Variants in LRRIQ1 observed in about 807,000 individuals in gnomAD.
The protein encoded by LRRIQ1 is leucine rich repeats and IQ motif containing 1.
In LRRIQ1, 210 loss-of-function variants were observed where a neutral mutation model predicts 211.9. That is an observed-to-expected ratio of 0.99 (90% CI 0.89 to 1.11). The LOEUF is 1.11. LRRIQ1 is among the 50% of genes most tolerant of loss of function. The probability of loss-of-function intolerance (pLI) is 0.00; values close to 1 mark genes in which losing one functional copy is unlikely to be tolerated. For synonymous variants in LRRIQ1, 699 were observed against 650.1 expected (o/e 1.08, Z -1.14); for missense variants, 2,136 against 1,939.5 (o/e 1.10, Z -1.90).
At chr12:85,076,557 G>A in intron 11 of LRRIQ1, 1 of 699,352 alleles carries the variant, frequency 1.4e-6, no homozygotes, top group South Asian at 6.5e-5. Flanking sequence ...TTATTTTCTA[G>A]ATAATACTGC....
At chr12:85,086,466 C>G (rs976768823) in intron 11 of LRRIQ1, among the ~76,000 whole-genome samples, 2 of 152,102 alleles carry the variant, frequency 1.3e-5, no homozygotes, top group Admixed American at 1.3e-4. Flanking sequence ...GCCTGCTCCC[C>G]TTTTGCCTTC....
chr12:85,103,188 T>C (rs1886518960), intron 13 of LRRIQ1, among the ~76,000 whole-genome samples: 1 of 150,622 alleles, frequency 6.6e-6, no homozygotes, highest in African/African-American at 2.4e-5. Flanking sequence ...ATCACTATTT[T>C]TGTTTGAATA....
At position 85,127,951 on chromosome 12, in the gene LRRIQ1, A is replaced by G. The variant is rs1888490861; in HGVS notation, c.4127A>G (p.Asn1376Ser). The G allele has an allele frequency of 1.2e-6, 2 of 1,613,822 alleles. No homozygotes were observed. Among genetic ancestry groups the G allele is most frequent in the Non-Finnish European group, 1.7e-6 (2 of 1,179,812 alleles). ...TEGLPNSSIK[N>S]QTILKKGKRE... ...GGCCTGCCAAATTCTTCCATCAAGAATCAGACTATTTTAAAGAAAGGAAAA... is the reference window on the plus strand; with the variant it reads ...GGCCTGCCAAATTCTTCCATCAAGAGTCAGACTATTTTAAAGAAAGGAAAA... Residue 1376 changes from asparagine to serine, a missense_variant, in exon 18 of 27, where the codon AAT becomes AGT. Coordinates refer to ENST00000393217, the MANE Select transcript of LRRIQ1 (RefSeq NM_001079910.2).
chr12:85,200,865 G>A (rs1243135995), intron 24 of LRRIQ1, among the ~76,000 whole-genome samples: 1 of 151,870 alleles, frequency 6.6e-6, no homozygotes, highest in Admixed American at 6.6e-5. Context: ...TGTCACCCAG[G>A]CTGCAGTGCA....
At chr12:85,197,528 G>A (rs1415813189) in intron 24 of LRRIQ1, among the ~76,000 whole-genome samples, 1 of 150,492 alleles carries the variant, frequency 6.6e-6, no homozygotes, top group South Asian at 2.1e-4. Flanking sequence ...GTCATTTGTA[G>A]GGACATGGAT....
intron 8 of LRRIQ1, among the ~76,000 whole-genome samples, chr12:85,063,989 C>T (rs1335289962): frequency 1.3e-5 from 2 of 151,650 alleles, no homozygotes; most frequent in Non-Finnish European, 2.9e-5. Context: ...AGAGTACTGC[C>T]GTAAAAATGA....
chr12:85,067,674 T>C (rs2136073553), intron 10 of LRRIQ1, among the ~76,000 whole-genome samples: 2 of 151,794 alleles, frequency 1.3e-5, no homozygotes, highest in East Asian at 3.9e-4. Context: ...ACCACTACAG[T>C]CAACCAGTCC....
At chr12:85,164,330 A>T (rs913944992) in intron 24 of LRRIQ1, among the ~76,000 whole-genome samples, 2 of 152,080 alleles carry the variant, frequency 1.3e-5, no homozygotes, top group African/African-American at 4.8e-5. Flanking sequence ...TCTTGTCTTT[A>T]TCGTTTATTA....
At chr12:85,059,494 A>G (rs12229923) in intron 8 of LRRIQ1, among the ~76,000 whole-genome samples, 33,333 of 151,978 alleles carry the variant, frequency 0.22, 4,326 homozygotes, top group Admixed American at 0.31. Flanking sequence ...GTTGCCTGAC[A>G]TTGTGAGAAA....
chr12:85,271,066 C>A, the LRRIQ1 span, among the ~76,000 whole-genome samples: 6 of 152,098 alleles, frequency 3.9e-5, no homozygotes, highest in Non-Finnish European at 8.8e-5. Context: ...TTAATTTCAG[C>A]TTAAGGCAAA....
chr12:85,129,155 G>A (rs187963478), intron 18 of LRRIQ1, among the ~76,000 whole-genome samples: 3 of 152,216 alleles, frequency 2.0e-5, no homozygotes, highest in Admixed American at 6.5e-5. Context: ...ATTTTAAAAC[G>A]AAGTTCATGT....
intron 13 of LRRIQ1, among the ~76,000 whole-genome samples, chr12:85,103,181 A>G (rs1886518577): frequency 6.6e-6 from 1 of 150,502 alleles, no homozygotes; most frequent in African/African-American, 2.4e-5. Flanking sequence ...TTTTAATATC[A>G]CTATTTTTGT....
At chr12:85,257,148 A>G (rs1896135635) in intron 1 of LRRIQ1, among the ~76,000 whole-genome samples, 1 of 3,030 alleles carries the variant, frequency 3.3e-4, no homozygotes, top group African/African-American at 9.7e-4. Flanking sequence ...ATATATTTAT[A>G]TGATTATATA....
chr12:85,169,486 A>G (rs1328682683), intron 24 of LRRIQ1, among the ~76,000 whole-genome samples: 2 of 152,148 alleles, frequency 1.3e-5, no homozygotes, highest in Admixed American at 6.5e-5. Context: ...GATATTAAAT[A>G]TCATGTCCTA....
chr12:85,268,815 G>A (rs1397337114), downstream of LRRIQ1, among the ~76,000 whole-genome samples: 2 of 151,756 alleles, frequency 1.3e-5, no homozygotes, highest in Admixed American at 6.6e-5. Context: ...TTTCTATTGA[G>A]AATAAAAAAC....
At chr12:85,261,585 G>A (rs79271578) in intron 1 of LRRIQ1, among the ~76,000 whole-genome samples, 2,950 of 150,668 alleles carry the variant, frequency 0.02, 95 homozygotes, top group African/African-American at 0.069. Context: ...ACTTAAGCAC[G>A]AAAGCATCAC....
intron 24 of LRRIQ1, among the ~76,000 whole-genome samples, chr12:85,196,952 A>C (rs1469621735): frequency 6.6e-6 from 1 of 152,070 alleles, no homozygotes; most frequent in Non-Finnish European, 1.5e-5. Context: ...AATATCCAGA[A>C]TCTACAATGA....
At chr12:85,138,826 A>G (rs1889327949) in intron 19 of LRRIQ1, among the ~76,000 whole-genome samples, 1 of 151,744 alleles carries the variant, frequency 6.6e-6, no homozygotes, top group Admixed American at 6.6e-5. Flanking sequence ...TCATCTACCT[A>G]TATGACCATC....
chr12:85,236,073 A>G (rs935608715), intron 26 of LRRIQ1, among the ~76,000 whole-genome samples: 4 of 152,164 alleles, frequency 2.6e-5, no homozygotes, highest in African/African-American at 9.7e-5. Flanking sequence ...TGGCATTGAA[A>G]AAGTGCAGGA....
Sources: allele counts gnomAD v4.1 joint callset (sites outside exome capture counted in the v4.1 genomes callset), GRCh38; gene constraint gnomAD v4.1.1; transcripts MANE v1.5; gene names NCBI Gene and HGNC (gene_info 2026-07-23, HGNC 2026-07-21).